The following ARHGAP6 variants were observed in gnomAD, a reference collection of about 807,000 sequenced individuals.
ARHGAP6 encodes Rho GTPase activating protein 6.
Under a neutral mutation model 55.7 loss-of-function variants are expected in ARHGAP6, and 16 were observed. The observed-to-expected ratio is 0.29, with a 90% CI of 0.19 to 0.44. The LOEUF (loss-of-function observed/expected upper bound fraction) is 0.44, where lower values mean the gene tolerates loss of function less well. Among genes scored for constraint, ARHGAP6 ranks in the 20% least tolerant of loss-of-function variants. The pLI is 1.00. For missense variants in ARHGAP6, 698 were observed against 808.9 expected (o/e 0.86, Z 1.66); for synonymous variants, 382 against 360.9 (o/e 1.06, Z -0.66).
intron 10 of ARHGAP6, chrX:11,144,976 C>A (rs1052380119): frequency 2.7e-5 from 3 of 112,451 alleles, no homozygotes; most frequent in African/African-American, 9.7e-5. Context: ...GTTCTGTGTT[C>A]ATGAGTTGTC....
chrX:11,538,980 A>G, intron 1 of ARHGAP6, among the ~76,000 whole-genome samples: 1 of 109,425 alleles, frequency 9.1e-6, no homozygotes, highest in East Asian at 2.9e-4. Flanking sequence ...TCAGCCTCCC[A>G]AGTAGGTGGG....
chrX:11,139,196 T>A lies in ARHGAP6; in HGVS notation c.2592A>T (p.Thr864=), dbSNP rs1056336395. The A allele has an allele frequency of 8.3e-7, 1 of 1,202,861 alleles. No homozygotes were observed. Among genetic ancestry groups the A allele is most frequent in the African/African-American group, 1.7e-5 (1 of 57,259 alleles). The change falls in exon 13 of 13, where the codon ACA becomes ACT. Residue 864 remains threonine, a synonymous_variant. Transcript: ENST00000337414. ...TCCCATGGGGTCTTTGGCACTGAGG[T>A]GTGGCCCGGCTCTGCAGCCCGGCCA... is the stretch of plus-strand genomic sequence containing the variant. ...LDVAGLQSRA[T]PQCQRPHGSG... is the part of the protein sequence containing the mutation.
intron 1 of ARHGAP6, among the ~76,000 whole-genome samples, chrX:11,276,427 C>A (rs1401677284): frequency 1.8e-5 from 2 of 112,165 alleles, no homozygotes; most frequent in Non-Finnish European, 3.8e-5. Context: ...AAAATCATTT[C>A]TGTCTATTAG....
intron 1 of ARHGAP6, among the ~76,000 whole-genome samples, chrX:11,389,996 C>T (rs1372924303): frequency 8.9e-6 from 1 of 111,822 alleles, no homozygotes; most frequent in African/African-American, 3.3e-5. Flanking sequence ...TTAAAAGCCA[C>T]AAAACATGCC....
chrX:11,382,400 T>C (rs111527762), intron 1 of ARHGAP6, among the ~76,000 whole-genome samples: 5,453 of 111,365 alleles, frequency 0.049, 134 homozygotes, highest in African/African-American at 0.097. Flanking sequence ...AGAGTGTTTT[T>C]ATGCTCAGAT....
chrX:11,440,164 T>C (rs2050025934), intron 1 of ARHGAP6, among the ~76,000 whole-genome samples: 1 of 112,491 alleles, frequency 8.9e-6, no homozygotes, highest in Admixed American at 9.4e-5. Context: ...CCTATTATTC[T>C]TCCTTGTCTT....
intron 1 of ARHGAP6, among the ~76,000 whole-genome samples, chrX:11,529,272 TGCACGAA>T (rs2051023403): frequency 8.9e-6 from 1 of 112,220 alleles, no homozygotes; most frequent in Non-Finnish European, 1.9e-5. Context: ...CTAAAGGCAG[TGCACGAA>T]TCATGCTCTA....
Position 11,182,092 on chromosome X carries a change from C to T in ARHGAP6, c.1300G>A (p.Val434Ile), listed in dbSNP as rs1004869396. The T allele has an allele frequency of 1.7e-5, 21 of 1,206,572 alleles. No homozygotes were observed. The highest frequency in any genetic ancestry group is 2.4e-5 in the Non-Finnish European group (21 of 892,149). Residue 434 changes from valine to isoleucine, a missense_variant, in exon 6 of 13, where the codon GTT becomes ATT. Coordinates refer to ENST00000337414, the MANE Select transcript of ARHGAP6 (RefSeq NM_013427.3). ...CTCACTCTCTTTTTTGAGCTTCCAA[C>T]TCGGAATATCCCCACTGTCTGGAGG... ...HGLQTVGIFR[V>I]GSSKKRVRQL...
intron 1 of ARHGAP6, among the ~76,000 whole-genome samples, chrX:11,488,891 C>T (rs754985044): frequency 4.5e-5 from 5 of 111,595 alleles, no homozygotes; most frequent in African/African-American, 9.8e-5. Flanking sequence ...GGTTGGGGAC[C>T]GCTGGTCTAC....
At chrX:11,503,893 T>C (rs2050705355) in intron 1 of ARHGAP6, among the ~76,000 whole-genome samples, 1 of 110,951 alleles carries the variant, frequency 9.0e-6, no homozygotes, top group Admixed American at 9.6e-5. Flanking sequence ...CACAAACACA[T>C]GCACACACAC....
intron 1 of ARHGAP6, among the ~76,000 whole-genome samples, chrX:11,464,676 G>A (rs921966583): frequency 8.9e-6 from 1 of 112,028 alleles, no homozygotes; most frequent in Admixed American, 9.5e-5. Flanking sequence ...TCTTCAATAC[G>A]TCATCACAAG....
In ARHGAP6 at chrX:11,154,724, T is replaced by C. The variant is rs762831327; in HGVS notation, c.1907+1805A>G. ...GAAATAAATGAGTTTATCAAAATTA[T>C]GGTGGTGCATGATCTGCTGAAAAGA... On this transcript the variant is annotated intron_variant, in intron 10 of 12. Coordinates refer to ENST00000337414, the MANE Select transcript of ARHGAP6 (RefSeq NM_013427.3). Among the ~76,000 whole-genome samples, 5 of 112,259 alleles carry C rather than the reference T, an allele frequency of 4.5e-5. No homozygotes were observed. In the South Asian group the frequency reaches 1.8e-3, roughly 41 times the overall value.
chrX:11,334,683 G>A (rs745472396), intron 1 of ARHGAP6: 2 of 174,709 alleles, frequency 1.1e-5, no homozygotes, highest in East Asian at 3.2e-4. Context: ...TAAAGCCCAT[G>A]TTCTTGGCAC....
chrX:11,665,879 G>T lies in ARHGAP6; in HGVS notation c.-1051C>A, dbSNP rs762960121. Among the ~76,000 whole-genome samples the T allele has an allele frequency of 8.9e-6, 1 of 112,231 alleles. No homozygotes were observed. The highest frequency in any genetic ancestry group is 1.9e-5 in the Non-Finnish European group (1 of 53,206). On this transcript the variant is annotated 5_prime_UTR_variant, in exon 1 of 13. Coordinates refer to ENST00000337414, the MANE Select transcript of ARHGAP6 (RefSeq NM_013427.3). ...AGGCGCCAAACCTGCAAGCGGCGAG[G>T]AGAGAAGGCAGCTCGCCACTGATAC... is the stretch of plus-strand genomic sequence containing the variant.
intron 2 of ARHGAP6, among the ~76,000 whole-genome samples, chrX:11,240,804 G>A (rs2047264621): frequency 9.1e-6 from 1 of 109,845 alleles, no homozygotes; most frequent in South Asian, 4.0e-4. Flanking sequence ...CAGCACTTTG[G>A]GACACCGAGG....
At chrX:11,297,058 G>A (rs764791490) in intron 1 of ARHGAP6, among the ~76,000 whole-genome samples, 6 of 111,622 alleles carry the variant, frequency 5.4e-5, no homozygotes, top group Non-Finnish European at 7.5e-5. Context: ...AAATATGGCC[G>A]TAAGCTTACC....
chrX:11,473,223 G>A (rs946345905), intron 1 of ARHGAP6, among the ~76,000 whole-genome samples: 6 of 110,981 alleles, frequency 5.4e-5, no homozygotes, highest in African/African-American at 2.0e-4. Flanking sequence ...CAAAAGACAT[G>A]GTACATACAG....
At chrX:11,628,415 A>T (rs2052323297) in intron 1 of ARHGAP6, among the ~76,000 whole-genome samples, 1 of 112,798 alleles carries the variant, frequency 8.9e-6, no homozygotes, top group Non-Finnish European at 1.9e-5. Context: ...ATCTGTAAAG[A>T]GGGAATTGTA....
chrX:11,373,006 T>C lies in ARHGAP6; in HGVS notation c.589-118299A>G, dbSNP rs369354588. 3.7e-5 allele frequency among the ~76,000 whole-genome samples: 4 copies of C among 109,225 alleles called. No individual in the cohort carries two copies. In the East Asian group the frequency reaches 8.5e-4, roughly 23 times the overall value. The allele number at this position is 109,225 out of a possible 115,157, so 94.8% of individuals were successfully genotyped here. A position where few individuals can be genotyped will look rare whatever the true frequency, so the allele number is the denominator to read the frequency against. ...TAAATATTGAAATAAAAATTATTCA[T>C]ACAAATCCCTAACCATGAAACTAAA... is the stretch of plus-strand genomic sequence containing the variant. On this transcript the variant is annotated intron_variant, in intron 1 of 12. Coordinates refer to ENST00000337414, the MANE Select transcript of ARHGAP6 (RefSeq NM_013427.3).
Sources: allele counts gnomAD v4.1 joint callset (sites outside exome capture counted in the v4.1 genomes callset), GRCh38; gene constraint gnomAD v4.1.1; transcripts MANE v1.5; gene names NCBI Gene and HGNC (gene_info 2026-07-23, HGNC 2026-07-21).